The following SETD5 variants were observed in gnomAD, a reference collection of about 807,000 sequenced individuals.
The protein encoded by SETD5 is histone-lysine N-methyltransferase SETD5.
Under a neutral mutation model 153.3 loss-of-function variants are expected in SETD5, and 44 were observed. The ratio of observed to expected loss-of-function variants is 0.29; its 90% confidence interval spans 0.23 to 0.37. The LOEUF (loss-of-function observed/expected upper bound fraction) is 0.37, where lower values mean the gene tolerates loss of function less well. Ranked by LOEUF, SETD5 falls within the 10% of genes least tolerant of loss-of-function variation. SETD5 has a pLI of 1.00. For synonymous variants in SETD5, 716 were observed against 645.2 expected, an observed-to-expected ratio of 1.11 and a Z score of -1.66; for missense variants, 1,544 against 1,768.0, an observed-to-expected ratio of 0.87 and a Z score of 2.27.
chr3:9,435,897 G>A lies in SETD5; in HGVS notation c.558G>A (p.Lys186=). Residue 186 remains lysine, a synonymous_variant, in exon 7 of 23, where the codon AAG becomes AAA. Transcript: ENST00000402198. ...AGGGTCGTGCAGCACCAAAGACGAA[G>A]AAAATCAAGGTATGCAGGGTAAAAA... ...PEKGRAAPKT[K]KIKNSPSEAQ... The A allele has an allele frequency of 6.3e-7, 1 of 1,581,416 alleles. No homozygotes were observed. The highest frequency in any genetic ancestry group is 8.6e-7 in the Non-Finnish European group (1 of 1,164,408).
rs1374152505 is a variant in SETD5, at chr3:9,397,643, G to C, written c.-511G>C. The stretch of plus-strand genomic sequence containing the variant: ...GGCGTTTCCGCTCGGGCAGCGGGCT[G>C]AGTGAGCTGCCGCCGCCGCCGCCGC... On this transcript the variant is annotated 5_prime_UTR_variant, in exon 1 of 23. Transcript: ENST00000402198. 1.2e-5 allele frequency: 2 copies of C among 164,900 alleles called. No homozygotes were observed. The highest frequency in any genetic ancestry group is 5.3e-5 in the African/African-American group (2 of 37,918). The allele number at this position is 164,900 out of a possible 1,614,324, so 10.2% of individuals were successfully genotyped here. A position where few individuals can be genotyped will look rare whatever the true frequency, so the allele number is the denominator to read the frequency against.
In SETD5 at chr3:9,428,815, T is replaced by C. The variant is rs2039624804; in HGVS notation, c.-116-8T>C. On this transcript the variant is annotated splice_region_variant and splice_polypyrimidine_tract_variant and intron_variant, in intron 2 of 22. Coordinates refer to ENST00000402198, the MANE Select transcript of SETD5 (RefSeq NM_001080517.3). ...TATTTTACTAGATATTTTCCTTTTC[T>C]GTTACAGGATTCCTCATGTCCATAA... is the stretch of plus-strand genomic sequence containing the variant. 1 of 503,346 alleles carries C rather than the reference T, an allele frequency of 2.0e-6. No individual in the cohort carries two copies. Among genetic ancestry groups the C allele is most frequent in the Non-Finnish European group, 3.6e-6 (1 of 278,576 alleles). 31.2% of individuals were successfully genotyped at this position (503,346 alleles called of 1,614,324 possible).
chr3:9,399,393 G>A (rs1472622782), intron 1 of SETD5, among the ~76,000 whole-genome samples: 1 of 151,946 alleles, frequency 6.6e-6, no homozygotes, highest in African/African-American at 2.4e-5. Flanking sequence ...GAATACCCAC[G>A]TAATCAGAGG....
intron 21 of SETD5, 165 bp downstream of exon 21, chr3:9,474,747 G>GT: frequency 1.1e-6 from 1 of 926,800 alleles, no homozygotes; most frequent in Non-Finnish European, 1.6e-6. Flanking sequence ...TACCACATTT[G>GT]TAAGATCTAG....
Position 9,397,666 on chromosome 3 carries a change from C to T in SETD5, c.-488C>T, listed in dbSNP as rs1177160395. On this transcript the variant is annotated 5_prime_UTR_variant, in exon 1 of 23. Transcript: ENST00000402198. ...CTGAGTGAGCTGCCGCCGCCGCCGC[C>T]GCCGCCGCCGCCGCCGCCGCTGCCG... is the stretch of plus-strand genomic sequence containing the variant. 6 of 179,096 alleles carry T rather than the reference C, an allele frequency of 3.4e-5. No individual in the cohort carries two copies. Among genetic ancestry groups the T allele is most frequent in the South Asian group, 1.6e-4 (1 of 6,154 alleles). 11.1% of individuals were successfully genotyped at this position (179,096 alleles called of 1,614,324 possible).
chr3:9,476,597 A>G lies in SETD5; in HGVS notation c.*506A>G, dbSNP rs949914291. The stretch of plus-strand genomic sequence containing the variant: ...GTATGTAAATGTTCATCCTAAGACA[A>G]CCATTCCAAAAGCAGGTATCTGGCC... On this transcript the variant is annotated 3_prime_UTR_variant, in exon 23 of 23. Transcript: ENST00000402198. 1.3e-5 allele frequency: 2 copies of G among 154,010 alleles called. No individual in the cohort carries two copies. The highest frequency in any genetic ancestry group is 2.4e-5 in the African/African-American group (1 of 41,442). The allele number at this position is 154,010 out of a possible 1,614,324, so 9.5% of individuals were successfully genotyped here.
At chr3:9,474,890 GA>G in intron 21 of SETD5, 177 bp from the exon 22 acceptor site, 1 of 636,266 alleles carries the variant, frequency 1.6e-6, no homozygotes, top group South Asian at 2.0e-5. Flanking sequence ...CAGGCATTTA[GA>G]ACATAGCCCA....
chr3:9,399,892 G>T (rs1487598368), intron 1 of SETD5, among the ~76,000 whole-genome samples: 2 of 144,676 alleles, frequency 1.4e-5, no homozygotes, highest in Non-Finnish European at 3.1e-5. Context: ...TGTTCCTTTG[G>T]GTTGGATCAC....
At chr3:9,466,287 C>CAAAAAAA (rs146498301) in intron 18 of SETD5, among the ~76,000 whole-genome samples, 19 of 63,268 alleles carry the variant, frequency 3.0e-4, no homozygotes, top group African/African-American at 4.5e-4. Context: ...GACTCCGTCT[C>CAAAAAAA]AAAAAAAAAA....
At chr3:9,420,112 T>G (rs1231714667) in intron 1 of SETD5, among the ~76,000 whole-genome samples, 1 of 152,204 alleles carries the variant, frequency 6.6e-6, no homozygotes, top group African/African-American at 2.4e-5. Context: ...TGATTGTTGT[T>G]AAGGTTACAA....
At chr3:9,475,429 G>T in intron 22 of SETD5, 54 bp from the exon 23 acceptor site, 1 of 1,553,148 alleles carries the variant, frequency 6.4e-7, no homozygotes, top group Non-Finnish European at 8.7e-7. Flanking sequence ...ATGTTCACCA[G>T]CCATTTAAGG....
chr3:9,427,123 T>G (rs1311150668), intron 2 of SETD5, among the ~76,000 whole-genome samples: 1 of 152,190 alleles, frequency 6.6e-6, no homozygotes, highest in African/African-American at 2.4e-5. Flanking sequence ...TGGACTCAAG[T>G]GATCCTTCCA....
chr3:9,399,777 T>C (rs1475474971), intron 1 of SETD5, among the ~76,000 whole-genome samples: 2 of 151,802 alleles, frequency 1.3e-5, no homozygotes, highest in African/African-American at 2.4e-5. Context: ...CTTAGGATTG[T>C]TTCTTTCTTA....
At chr3:9,427,102 T>C (rs1280853401) in intron 2 of SETD5, among the ~76,000 whole-genome samples, 1 of 152,118 alleles carries the variant, frequency 6.6e-6, no homozygotes, top group Non-Finnish European at 1.5e-5. Context: ...TCTCAGCTGG[T>C]CTCAAATTCC....
At chr3:9,401,722 T>A (rs1466605510) in intron 1 of SETD5, among the ~76,000 whole-genome samples, 1 of 152,212 alleles carries the variant, frequency 6.6e-6, no homozygotes, top group Non-Finnish European at 1.5e-5. Context: ...GGATCATGAA[T>A]AAAATAAAAT....
chr3:9,464,955 A>G, intron 18 of SETD5: 1 of 459,430 alleles, frequency 2.2e-6, no homozygotes, highest in Non-Finnish European at 4.0e-6. Flanking sequence ...TAAGCATGCT[A>G]GATCTCCATC....
intron 18 of SETD5, among the ~76,000 whole-genome samples, chr3:9,467,501 C>G (rs775528075): frequency 2.0e-5 from 3 of 152,232 alleles, no homozygotes; most frequent in South Asian, 2.1e-4. Context: ...CATACGTGCA[C>G]CTAGATGTAC....
At chr3:9,431,020 A>AT in intron 3 of SETD5, 3 of 985,450 alleles carry the variant, frequency 3.0e-6, no homozygotes, top group Non-Finnish European at 3.6e-6. Context: ...AATGATATTT[A>AT]TTAATGTTTC....
chr3:9,403,112 G>A (rs985460546), intron 1 of SETD5, among the ~76,000 whole-genome samples: 7 of 152,002 alleles, frequency 4.6e-5, no homozygotes, highest in Non-Finnish European at 1.0e-4. Context: ...TCTTTTCCCT[G>A]GGAGATTATT....
Sources: allele counts gnomAD v4.1 joint callset (sites outside exome capture counted in the v4.1 genomes callset), GRCh38; gene constraint gnomAD v4.1.1; transcripts MANE v1.5; gene names NCBI Gene and HGNC (gene_info 2026-07-23, HGNC 2026-07-21).